The following GCFC2 variants were observed in gnomAD, a reference collection of about 807,000 sequenced individuals.
GCFC2 encodes the protein intron Large complex component GCFC2.
Under a neutral mutation model 99.4 loss-of-function variants are expected in GCFC2, and 102 were observed. The observed-to-expected ratio is 1.03, with a 90% CI of 0.87 to 1.21. The LOEUF (loss-of-function observed/expected upper bound fraction) is 1.21. Ranked by LOEUF, GCFC2 falls within the 50% of genes most tolerant of loss-of-function variation. The pLI is 0.00. For synonymous variants in GCFC2, 338 were observed against 316.8 expected, an observed-to-expected ratio of 1.07 and a Z score of -0.71; for missense variants, 973 against 920.9, an observed-to-expected ratio of 1.06 and a Z score of -0.73.
chr2:75,702,428 A>G lies in GCFC2; in HGVS notation c.395-5T>C. 2 of 1,610,596 alleles carry G rather than the reference A, an allele frequency of 1.2e-6. No individual in the cohort carries two copies. The highest frequency in any genetic ancestry group is 8.5e-7 in the Non-Finnish European group (1 of 1,177,696). On this transcript the variant is annotated splice_polypyrimidine_tract_variant and splice_region_variant and intron_variant, in intron 2 of 16. Coordinates refer to ENST00000321027, the MANE Select transcript of GCFC2 (RefSeq NM_003203.5). The stretch of plus-strand genomic sequence containing the variant: ...AAGCTGCATCTGGGATCTTAACTGA[A>G]GGAAACAAAGACGAGGACACTAAAA...
intron 15 of GCFC2, among the ~76,000 whole-genome samples, chr2:75,669,310 A>C (rs1678982414): frequency 6.6e-6 from 1 of 152,190 alleles, no homozygotes; most frequent in Non-Finnish European, 1.5e-5. Flanking sequence ...TTCAAACACA[A>C]ACAGCAGTAG....
At chr2:75,685,600 A>C (rs1388576127) in intron 11 of GCFC2, among the ~76,000 whole-genome samples, 5 of 152,036 alleles carry the variant, frequency 3.3e-5, no homozygotes, top group Non-Finnish European at 7.4e-5. Flanking sequence ...TTGACTTCCC[A>C]GTGCTATAGT....
chr2:75,665,783 G>T, intron 16 of GCFC2, 146 bp downstream of exon 16: 1 of 489,620 alleles, frequency 2.0e-6, no homozygotes, highest in Non-Finnish European at 3.5e-6. Context: ...CCATCCCAAA[G>T]GTAACCATAA....
At chr2:75,691,655 G>A (rs1005172107) in intron 7 of GCFC2, among the ~76,000 whole-genome samples, 6 of 152,010 alleles carry the variant, frequency 3.9e-5, no homozygotes, top group East Asian at 1.9e-4. Context: ...TCTGTAAAAG[G>A]GCTCTGAAAC....
intron 16 of GCFC2, among the ~76,000 whole-genome samples, chr2:75,665,230 C>T (rs1259393869): frequency 6.6e-6 from 1 of 152,008 alleles, no homozygotes; most frequent in African/African-American, 2.4e-5. Flanking sequence ...TAGCTCACTG[C>T]AGCCTCAACC....
Position 75,689,958 on chromosome 2 carries a change from T to C in GCFC2, c.1339+11A>G, listed in dbSNP as rs1679987886. Reference sequence around the variant, plus strand: ...CTCAAACCATGATATATTAGAAACTTGGTAACTGACCTTGGCTTTTTTGGA... The same window carrying C: ...CTCAAACCATGATATATTAGAAACTCGGTAACTGACCTTGGCTTTTTTGGA... On this transcript the variant is annotated intron_variant, in intron 9 of 16. Transcript: ENST00000321027. The C allele has an allele frequency of 2.1e-6, 3 of 1,427,488 alleles. No individual in the cohort carries two copies. The highest frequency in any genetic ancestry group is 2.3e-5 in the East Asian group (1 of 43,402). The allele number at this position is 1,427,488 out of a possible 1,614,324, so 88.4% of individuals were successfully genotyped here.
In GCFC2 at chr2:75,700,719, A is replaced by G. The variant is rs2190351; in HGVS notation, c.717+471T>C. Reference sequence around the variant, plus strand: ...TAGTGGAAAATAAGATAATATGCACAGTGTAGTGGGTTGAATGGAGGCCTC... The same window carrying G: ...TAGTGGAAAATAAGATAATATGCACGGTGTAGTGGGTTGAATGGAGGCCTC... On this transcript the variant is annotated intron_variant, in intron 4 of 16. Transcript: ENST00000321027. Among the ~76,000 whole-genome samples the G allele has an allele frequency of 5.9e-4, 90 of 152,352 alleles. No homozygotes were observed. The South Asian group carries it at 0.018, about 31-fold the overall frequency.
intron 11 of GCFC2, among the ~76,000 whole-genome samples, chr2:75,682,048 G>A (rs1007444232): frequency 1.3e-5 from 2 of 151,960 alleles, no homozygotes; most frequent in African/African-American, 2.4e-5. Flanking sequence ...TTGCCTGACA[G>A]TTCTGAAGAC....
intron 4 of GCFC2, among the ~76,000 whole-genome samples, chr2:75,699,021 A>T (rs906448581): frequency 6.6e-6 from 1 of 152,040 alleles, no homozygotes; most frequent in African/African-American, 2.4e-5. Flanking sequence ...CAAAAAAAAA[A>T]AAAAAAAGAA....
In GCFC2 at chr2:75,687,972, T is replaced by A. The variant is rs1375020107; in HGVS notation, c.1545A>T (p.Glu515Asp). Reference protein sequence around the residue: ...QLIDWNPLKLESTGLKEMPWF... With the variant: ...QLIDWNPLKLDSTGLKEMPWF... ...ATGGCATCTCTTTTAAACCTGTGGA[T>A]TCCAACTTACAAAGAAAATTACAAA... The change falls in exon 11 of 17, where the codon GAA becomes GAT. Residue 515 changes from glutamate (E) to aspartate (D), a missense_variant. Transcript: ENST00000321027. The A allele has an allele frequency of 6.4e-7, 1 of 1,552,104 alleles. No homozygotes were observed. Among genetic ancestry groups the A allele is most frequent in the South Asian group, 1.2e-5 (1 of 82,798 alleles).
chr2:75,677,009 C>G (rs1048098145), intron 12 of GCFC2, among the ~76,000 whole-genome samples: 2 of 152,194 alleles, frequency 1.3e-5, no homozygotes, highest in Non-Finnish European at 2.9e-5. Flanking sequence ...CCATAGGTAG[C>G]CAATGCCCTA....
rs1050760449 is a variant in GCFC2, at chr2:75,710,788, T to C, written c.68A>G (p.Glu23Gly). Reference sequence around the variant, plus strand: ...CGCCCCAGGCTCAGCAGGCGACTCCTCGGCGCCATCGCTGTCGCTGGAATC... The same window carrying C: ...CGCCCCAGGCTCAGCAGGCGACTCCCCGGCGCCATCGCTGTCGCTGGAATC... Reference protein sequence around the residue: ...AADSSDSDGAEESPAEPGAPR... With the variant: ...AADSSDSDGAGESPAEPGAPR... Residue 23 changes from glutamate to glycine, a missense_variant, in exon 1 of 17, where the codon GAG (glutamate) becomes GGG (glycine). Transcript: ENST00000321027. The C allele has an allele frequency of 6.3e-7, 1 of 1,576,244 alleles. No individual in the cohort carries two copies. The highest frequency in any genetic ancestry group is 1.4e-5 in the African/African-American group (1 of 71,428).
Position 75,692,109 on chromosome 2 carries a change from C to A in GCFC2, c.1021-9G>T. ...TCTTGGATGTTGATAATCTGAAATACACATATAAGTAACATTTTGCAGGTC... is the reference window on the plus strand; with the variant it reads ...TCTTGGATGTTGATAATCTGAAATAAACATATAAGTAACATTTTGCAGGTC... On this transcript the variant is annotated splice_polypyrimidine_tract_variant and intron_variant, in intron 6 of 16. Coordinates refer to ENST00000321027, the MANE Select transcript of GCFC2 (RefSeq NM_003203.5). 1.4e-6 allele frequency: 2 copies of A among 1,380,690 alleles called. No individual in the cohort carries two copies. The highest frequency in any genetic ancestry group is 2.1e-5 in the Admixed American group (1 of 48,102). The allele number at this position is 1,380,690 out of a possible 1,614,324, so 85.5% of individuals were successfully genotyped here.
Position 75,710,892 on chromosome 2 carries a change from T to A in GCFC2, c.-37A>T, listed in dbSNP as rs762042616. The A allele has an allele frequency of 6.7e-7, 1 of 1,490,642 alleles. No homozygotes were observed. Among genetic ancestry groups the A allele is most frequent in the East Asian group, 2.7e-5 (1 of 36,570 alleles). 92.3% of individuals were successfully genotyped at this position (1,490,642 alleles called of 1,614,324 possible). Reference sequence around the variant, plus strand: ...GAGCGCCCGGCGCCCTAGAACCCGCTGAACCGCAAGCCGCAGCTTCAGTGC... The same window carrying A: ...GAGCGCCCGGCGCCCTAGAACCCGCAGAACCGCAAGCCGCAGCTTCAGTGC... On this transcript the variant is annotated 5_prime_UTR_variant, in exon 1 of 17. Coordinates refer to ENST00000321027, the MANE Select transcript of GCFC2 (RefSeq NM_003203.5).
intron 12 of GCFC2, among the ~76,000 whole-genome samples, chr2:75,676,658 C>G (rs986416977): frequency 1.2e-4 from 18 of 152,290 alleles, no homozygotes; most frequent in Admixed American, 9.8e-4. Context: ...TTTTCTGTTA[C>G]TCAAGTGACA....
At chr2:75,700,391 C>A (rs72818748) in intron 4 of GCFC2, among the ~76,000 whole-genome samples, 21,249 of 151,562 alleles carry the variant, frequency 0.14, 1,649 homozygotes, top group African/African-American at 0.21. Flanking sequence ...TATGAGAAAT[C>A]ACATAATGAG....
intron 6 of GCFC2, among the ~76,000 whole-genome samples, chr2:75,692,980 G>GCACAC (rs1680154556): frequency 1.3e-5 from 2 of 152,146 alleles, no homozygotes. Context: ...GTACATTAAT[G>GCACAC]CACAGGCTGA....
At chr2:75,701,378 A>C in intron 3 of GCFC2, 91 bp from the exon 4 acceptor site, 1 of 705,978 alleles carries the variant, frequency 1.4e-6, no homozygotes, top group Admixed American at 2.4e-5. Flanking sequence ...ACAAAGGCTT[A>C]GCACCACTTG....
chr2:75,702,528 C>T (rs1680655372), intron 2 of GCFC2, 105 bp from the exon 3 acceptor site: 2 of 860,680 alleles, frequency 2.3e-6, no homozygotes. Context: ...AAATTATTTG[C>T]TATTTTGATA....
Sources: gnomAD v4.1 joint callset for allele counts (sites outside exome capture counted in the v4.1 genomes callset) on GRCh38, gnomAD v4.1.1 for gene constraint, MANE v1.5 for transcripts, NCBI Gene and HGNC (gene_info 2026-07-23, HGNC 2026-07-21) for gene names.